Variants in FAM168B observed in about 807,000 individuals in gnomAD.
FAM168B encodes the protein family with sequence similarity 168 member B, also known as myelin-associated neurite-outgrowth inhibitor.
Under a neutral mutation model 21.8 loss-of-function variants are expected in FAM168B, and 19 were observed. The ratio of observed to expected loss-of-function variants is 0.87; its 90% CI spans 0.61 to 1.28. FAM168B has a LOEUF of 1.28. FAM168B is among the 50% of genes most tolerant of loss of function. The pLI is 0.00. For synonymous variants in FAM168B, 126 were observed against 104.8 expected (o/e 1.20, Z -1.24); for missense variants, 233 against 263.1 (o/e 0.89, Z 0.79).
Position 131,071,923 on chromosome 2 carries a change from C to G in FAM168B, c.86G>C (p.Gly29Ala). ...GIGYPAGFPM[G>A]YAAAAPAYSP... Reference sequence around the variant, plus strand: ...ATAGGCAGGAGCTGCTGCTGCATAGCCCATGGGAAAACCAGCTGAAGAAAA... The same window carrying G: ...ATAGGCAGGAGCTGCTGCTGCATAGGCCATGGGAAAACCAGCTGAAGAAAA... The change falls in exon 3 of 7, where the codon GGC becomes GCC. Residue 29 changes from glycine to alanine, a missense_variant. Coordinates refer to ENST00000389915, the MANE Select transcript of FAM168B (RefSeq NM_001009993.4). 1 of 1,613,988 alleles carries G rather than the reference C, an allele frequency of 6.2e-7. No homozygotes were observed. Among genetic ancestry groups the G allele is most frequent in the Non-Finnish European group, 8.5e-7 (1 of 1,179,924 alleles).
At position 131,055,372 on chromosome 2, in the gene FAM168B, G is replaced by A. The variant is rs755763969; in HGVS notation, c.375C>T (p.Asn125=). The change falls in exon 5 of 7, where the codon AAC becomes AAT. Residue 125 remains asparagine, a synonymous_variant. Transcript: ENST00000389915. ...CAGGGTACACCGTTGCAGGCATGCC[G>A]TTGGGCTGCACCACCGTGGTGTGGT... ...VIHHTTVVQP[N]GMPATVYPAP... The A allele has an allele frequency of 7.5e-6, 12 of 1,601,150 alleles. No homozygotes were observed. Among genetic ancestry groups the A allele is most frequent in the South Asian group, 2.2e-5 (2 of 89,416 alleles).
chr2:131,072,705 C>T (rs554207778), intron 2 of FAM168B, among the ~76,000 whole-genome samples: 5 of 152,266 alleles, frequency 3.3e-5, no homozygotes, highest in South Asian at 2.1e-4. Flanking sequence ...GATCCACCCA[C>T]CTCAGCCTCC....
intron 3 of FAM168B, among the ~76,000 whole-genome samples, chr2:131,061,782 GAAA>G (rs112944472): frequency 2.3e-5 from 3 of 129,904 alleles, no homozygotes; most frequent in Admixed American, 8.1e-5. Flanking sequence ...ACCCTGTCTC[GAAA>G]AAAAAAAAAA....
At chr2:131,072,513 C>A (rs1247252713) in intron 2 of FAM168B, among the ~76,000 whole-genome samples, 1 of 151,862 alleles carries the variant, frequency 6.6e-6, no homozygotes, top group Non-Finnish European at 1.5e-5. Context: ...GTTGCCCAGG[C>A]TAGAGTGCAG....
chr2:131,085,831 T>A (rs878974280), intron 1 of FAM168B, among the ~76,000 whole-genome samples: 2 of 152,186 alleles, frequency 1.3e-5, no homozygotes, highest in African/African-American at 4.8e-5. Context: ...AATGACCACA[T>A]CCTTCTCCAT....
rs943768546 is a variant in FAM168B at position 131,089,926 on chromosome 2, G to A, written c.-12+3288C>T. Among the ~76,000 whole-genome samples, 26 of 151,794 alleles carry A rather than the reference G, an allele frequency of 1.7e-4. 1 individual carries two copies. The highest frequency in any genetic ancestry group is 1.3e-4 in the Admixed American group (2 of 15,232). ...GCACACCTGTAGTCCCAGCTACTTG[G>A]GAGGCCGAGGCAGGAGAATCACTTG... On this transcript the variant is annotated intron_variant, in intron 1 of 6. Transcript: ENST00000389915.
In FAM168B at chr2:131,048,410, G is replaced by T; in HGVS notation, c.*4055C>A. ...CACACCACCCTTCTGCAGGCCCGGGGGGGGGTCCCTACACAGACGCCGCTC... is the reference window on the plus strand; with the variant it reads ...CACACCACCCTTCTGCAGGCCCGGGTGGGGGTCCCTACACAGACGCCGCTC... On this transcript the variant is annotated 3_prime_UTR_variant, in exon 7 of 7. Transcript: ENST00000389915. 1 of 1,265,848 alleles carries T rather than the reference G, an allele frequency of 7.9e-7. No individual in the cohort carries two copies. Among genetic ancestry groups the T allele is most frequent in the African/African-American group, 1.5e-5 (1 of 65,174 alleles). The allele number at this position is 1,265,848 out of a possible 1,614,324, so 78.4% of individuals were successfully genotyped here.
Position 131,048,550 on chromosome 2 carries a change from C to G in FAM168B, c.*3915G>C. ...TGAGTAGGAAAAAGAGACAAACTTT[C>G]TGAAACATGCAGTTTCCGACCCAAA... is the stretch of plus-strand genomic sequence containing the variant. On this transcript the variant is annotated 3_prime_UTR_variant, in exon 7 of 7. Transcript: ENST00000389915. 9.0e-7 allele frequency: 1 copy of G among 1,116,528 alleles called. No individual in the cohort carries two copies. The highest frequency in any genetic ancestry group is 1.1e-6 in the Non-Finnish European group (1 of 898,886). The allele number at this position is 1,116,528 out of a possible 1,614,324, so 69.2% of individuals were successfully genotyped here.
Position 131,051,324 on chromosome 2 carries a change from CA to C in FAM168B, c.*1140del. ...ACATATCCACGGCCCTGCCTTTCTACAAGAAATTGGAGGAATTTTAAATAAA... is the reference window on the plus strand; with the variant it reads ...ACATATCCACGGCCCTGCCTTTCTACAGAAATTGGAGGAATTTTAAATAAA... On this transcript the variant is annotated 3_prime_UTR_variant, in exon 7 of 7. Transcript: ENST00000389915. 1.0e-6 allele frequency: 1 copy of C among 985,396 alleles called. No homozygotes were observed. The highest frequency in any genetic ancestry group is 1.2e-6 in the Non-Finnish European group (1 of 829,934). 61.0% of individuals were successfully genotyped at this position (985,396 alleles called of 1,614,324 possible).
rs1691588759 is a variant in FAM168B at position 131,050,433 on chromosome 2, TG to T, written c.*2031del. 4.1e-6 allele frequency: 4 copies of T among 985,684 alleles called. No individual in the cohort carries two copies. The highest frequency in any genetic ancestry group is 6.2e-5 in the Admixed American group (1 of 16,254). 61.1% of individuals were successfully genotyped at this position (985,684 alleles called of 1,614,324 possible). A position where few individuals can be genotyped will look rare whatever the true frequency, so the allele number is the denominator to read the frequency against. ...TCCTGCCAACCATCCACTAAACAGA[TG>T]GAATTACCAACAGAGACTTGAAGAA... On this transcript the variant is annotated 3_prime_UTR_variant, in exon 7 of 7. Coordinates refer to ENST00000389915, the MANE Select transcript of FAM168B (RefSeq NM_001009993.4).
intron 1 of FAM168B, among the ~76,000 whole-genome samples, chr2:131,092,440 C>T: frequency 6.6e-6 from 1 of 152,278 alleles, no homozygotes; most frequent in South Asian, 2.1e-4. Flanking sequence ...AATCTTTCAT[C>T]CATAGTATTT....
chr2:131,067,985 G>T (rs1228246712), intron 3 of FAM168B, among the ~76,000 whole-genome samples: 3 of 152,028 alleles, frequency 2.0e-5, no homozygotes, highest in Non-Finnish European at 4.4e-5. Flanking sequence ...GCAGAAAAAG[G>T]CTGTAACTGT....
intron 1 of FAM168B, among the ~76,000 whole-genome samples, chr2:131,092,000 C>A (rs973841879): frequency 3.3e-5 from 5 of 151,370 alleles, no homozygotes; most frequent in South Asian, 4.2e-4. Context: ...AAAAATTAGC[C>A]AGGCGTGGTG....
chr2:131,087,624 G>GCT (rs999759469), intron 1 of FAM168B, among the ~76,000 whole-genome samples: 25 of 152,198 alleles, frequency 1.6e-4, no homozygotes, highest in African/African-American at 6.0e-4. Flanking sequence ...TAGGGAATCA[G>GCT]TAATAGATGA....
At position 131,048,252 on chromosome 2, in the gene FAM168B, C is replaced by G. The variant is rs1691411053; in HGVS notation, c.*4213G>C. On this transcript the variant is annotated 3_prime_UTR_variant, in exon 7 of 7. Transcript: ENST00000389915. Reference sequence around the variant, plus strand: ...CTCTAGGGCCTCTCCGTGTGGCCAGCACAGCAACCCTGCTAGGAGCACAAA... The same window carrying G: ...CTCTAGGGCCTCTCCGTGTGGCCAGGACAGCAACCCTGCTAGGAGCACAAA... The G allele has an allele frequency of 1.5e-6, 2 of 1,304,090 alleles. No homozygotes were observed. The highest frequency in any genetic ancestry group is 2.0e-6 in the Non-Finnish European group (2 of 988,896). 80.8% of individuals were successfully genotyped at this position (1,304,090 alleles called of 1,614,324 possible). A position where few individuals can be genotyped will look rare whatever the true frequency, so the allele number is the denominator to read the frequency against.
chr2:131,050,510 A>G lies in FAM168B; in HGVS notation c.*1955T>C. ...TAAATGTCTGCCCCCACACATAGAC[A>G]CTAAGATGGATTAAGTGCTCATGAA... On this transcript the variant is annotated 3_prime_UTR_variant, in exon 7 of 7. Transcript: ENST00000389915. The G allele has an allele frequency of 2.0e-6, 2 of 985,884 alleles. No individual in the cohort carries two copies. Among genetic ancestry groups the G allele is most frequent in the Non-Finnish European group, 2.4e-6 (2 of 829,954 alleles). 61.1% of individuals were successfully genotyped at this position (985,884 alleles called of 1,614,324 possible). A position where few individuals can be genotyped will look rare whatever the true frequency, so the allele number is the denominator to read the frequency against.
At chr2:131,061,761 G>A (rs1424269887) in intron 3 of FAM168B, among the ~76,000 whole-genome samples, 2 of 150,486 alleles carry the variant, frequency 1.3e-5, no homozygotes, top group South Asian at 2.1e-4. Flanking sequence ...CAGCCTGGGC[G>A]ACAGAGGGAG....
At chr2:131,084,962 G>A (rs1026996127) in intron 1 of FAM168B, among the ~76,000 whole-genome samples, 6 of 152,018 alleles carry the variant, frequency 3.9e-5, no homozygotes, top group Admixed American at 1.3e-4. Context: ...TGATCCTCCC[G>A]CCTTGGCCTC....
chr2:131,068,851 C>CA (rs1037782854), intron 3 of FAM168B, among the ~76,000 whole-genome samples: 1 of 151,998 alleles, frequency 6.6e-6, no homozygotes, highest in Admixed American at 6.6e-5. Flanking sequence ...CCCATCTCTA[C>CA]AAAAAAATAG....
Sources: allele counts gnomAD v4.1 joint callset (sites outside exome capture counted in the v4.1 genomes callset), GRCh38; gene constraint gnomAD v4.1.1; transcripts MANE v1.5; gene names NCBI Gene and HGNC (gene_info 2026-07-23, HGNC 2026-07-21).